Variants in RBFOX1 observed in about 807,000 individuals in gnomAD.
RBFOX1 encodes the protein RNA binding fox-1 homolog 1.
In RBFOX1, 8 loss-of-function variants were observed where a neutral mutation model predicts 57.7. The observed-to-expected ratio is 0.14, with a 90% CI of 0.08 to 0.25. RBFOX1 has a LOEUF of 0.25. Ranked by LOEUF, RBFOX1 falls within the 10% of genes least tolerant of loss-of-function variation. The probability of loss-of-function intolerance (pLI) is 1.00; values close to 1 mark genes in which losing one functional copy is unlikely to be tolerated. For synonymous variants in RBFOX1, 326 were observed against 222.4 expected (o/e 1.47, Z -4.15); for missense variants, 611 against 548.5 (o/e 1.11, Z -1.14).
intron 3 of RBFOX1, among the ~76,000 whole-genome samples, chr16:7,050,382 C>G (rs760886458): frequency 1.3e-5 from 2 of 151,702 alleles, no homozygotes; most frequent in Non-Finnish European, 2.9e-5. Flanking sequence ...TCTCCTGCTT[C>G]AGCCAACTGA....
intron 5 of RBFOX1, among the ~76,000 whole-genome samples, chr16:7,574,749 C>A (rs868595465): frequency 6.6e-6 from 1 of 152,110 alleles, no homozygotes; most frequent in Non-Finnish European, 1.5e-5. Context: ...CACCCAGGAC[C>A]AATACTTTGC....
At chr16:5,381,109 A>T (rs763806995) in intron 1 of RBFOX1, among the ~76,000 whole-genome samples, 5 of 152,204 alleles carry the variant, frequency 3.3e-5, no homozygotes, top group Non-Finnish European at 7.3e-5. Flanking sequence ...AGAGGACAGG[A>T]TGCTGAAGGA....
rs762848811 is a variant in RBFOX1, at chr16:5,898,151, GA to G, written c.351+30821del. ...AAGGAGAAGTGTCAAGCAAAAGCAG[GA>G]AAAATCCTTATAAAACCATCAGATC... On this transcript the variant is annotated intron_variant, in intron 4 of 19. Coordinates refer to the RBFOX1 transcript ENST00000641259. Among the ~76,000 whole-genome samples the G allele has an allele frequency of 9.7e-4, 148 of 152,216 alleles. 1 individual carries two copies. Among genetic ancestry groups the G allele is most frequent in the Middle Eastern group, 3.4e-3 (1 of 294 alleles).
rs76653234 is a variant in RBFOX1 at position 7,645,305 on chromosome 16, C to T, written c.758-8510C>T. 3.4e-3 allele frequency among the ~76,000 whole-genome samples: 519 copies of T among 152,194 alleles called. 12 individuals are homozygous for T. The highest frequency in any genetic ancestry group is 0.028 in the East Asian group (143 of 5,162). On this transcript the variant is annotated intron_variant, in intron 11 of 15. Coordinates refer to ENST00000550418, the MANE Select transcript of RBFOX1 (RefSeq NM_018723.4). ...TACCACCCATAAAAAGTTAATTAAT[C>T]AGGGCTGTGTCAATTTCCTCGTGCC...
intron 14 of RBFOX1, among the ~76,000 whole-genome samples, chr16:7,706,522 A>G (rs370924483): frequency 3.6e-3 from 544 of 152,330 alleles, no homozygotes; most frequent in South Asian, 0.028. Flanking sequence ...AATTGCCCAT[A>G]TAGTGTCTCC....
chr16:5,938,856 A>G (rs187972541), intron 4 of RBFOX1, among the ~76,000 whole-genome samples: 146 of 152,352 alleles, frequency 9.6e-4, no homozygotes, highest in Non-Finnish European at 1.6e-3. Flanking sequence ...CATTAGTATC[A>G]TAAAGAAAAT....
At chr16:7,104,934 T>C (rs566474567) in intron 4 of RBFOX1, among the ~76,000 whole-genome samples, 2 of 149,322 alleles carry the variant, frequency 1.3e-5, no homozygotes, top group Admixed American at 1.3e-4. Context: ...CAGAAATCTC[T>C]GTGCTTGTGT....
chr16:7,590,885 G>C (rs1361556318), intron 7 of RBFOX1, among the ~76,000 whole-genome samples: 1 of 137,584 alleles, frequency 7.3e-6, no homozygotes, highest in Non-Finnish European at 1.6e-5. Flanking sequence ...AAAAAAAAAA[G>C]CTACACTTTG....
chr16:7,471,608 G>A (rs1235655722), intron 4 of RBFOX1, among the ~76,000 whole-genome samples: 1 of 152,146 alleles, frequency 6.6e-6, no homozygotes, highest in Non-Finnish European at 1.5e-5. Context: ...TCTGAGACGG[G>A]GGTGGAGATG....
chr16:6,941,069 G>T (rs1199050225), intron 3 of RBFOX1, among the ~76,000 whole-genome samples: 1 of 152,058 alleles, frequency 6.6e-6, no homozygotes, highest in African/African-American at 2.4e-5. Context: ...AGTGTGGAGG[G>T]AGAAATGGAG....
At chr16:6,664,725 G>A (rs1231335688) in intron 3 of RBFOX1, among the ~76,000 whole-genome samples, 1 of 152,182 alleles carries the variant, frequency 6.6e-6, no homozygotes, top group African/African-American at 2.4e-5. Flanking sequence ...AGTCAGTTCT[G>A]GAGATACTCA....
rs866049295 is a variant in RBFOX1 at position 7,315,456 on chromosome 16, A to C, written c.28-202691A>C. Among the ~76,000 whole-genome samples the C allele has an allele frequency of 3.3e-3, 411 of 123,732 alleles. 7 individuals are homozygous for C. The highest frequency in any genetic ancestry group is 5.0e-3 in the Admixed American group (61 of 12,156). The allele number at this position is 123,732 out of a possible 152,430, so 81.2% of individuals were successfully genotyped here. On this transcript the variant is annotated intron_variant, in intron 4 of 15. Transcript: ENST00000550418. ...AATGATTAAAGCCCTACTCTACCCT[A>C]CCCCCCCCCCCATACTGGGGGCTTG...
chr16:6,158,449 C>T (rs1254319892), intron 1 of RBFOX1, among the ~76,000 whole-genome samples: 2 of 152,078 alleles, frequency 1.3e-5, no homozygotes, highest in South Asian at 2.1e-4. Flanking sequence ...ATTTTTCCCT[C>T]GTAAAGAATC....
chr16:6,941,296 CTCCCTCCT>C (rs1199159347), intron 3 of RBFOX1, among the ~76,000 whole-genome samples: 778 of 64,590 alleles, frequency 0.012, 15 homozygotes, highest in African/African-American at 0.036. Flanking sequence ...CCTTCCCTCC[CTCCCTCCT>C]TCCTTCCTTC....
intron 3 of RBFOX1, among the ~76,000 whole-genome samples, chr16:6,858,268 G>T (rs1311770911): frequency 2.0e-5 from 3 of 152,180 alleles, no homozygotes; most frequent in Non-Finnish European, 4.4e-5. Context: ...ACTTTGTAGG[G>T]AATGTTTCAG....
At chr16:7,244,376 C>A (rs2094203351) in intron 4 of RBFOX1, among the ~76,000 whole-genome samples, 1 of 152,130 alleles carries the variant, frequency 6.6e-6, no homozygotes, top group Admixed American at 6.6e-5. Context: ...GATGCATCCC[C>A]ATGGACCATG....
intron 1 of RBFOX1, among the ~76,000 whole-genome samples, chr16:6,293,279 C>G (rs967902657): frequency 1.3e-5 from 2 of 152,266 alleles, no homozygotes. Context: ...AACCTAGACA[C>G]TCTGGCTTCA....
chr16:7,000,351 C>G (rs1475475667), intron 3 of RBFOX1, among the ~76,000 whole-genome samples: 6 of 152,104 alleles, frequency 3.9e-5, no homozygotes, highest in African/African-American at 1.4e-4. Context: ...ATACATCTCT[C>G]AAGTTTCTTT....
At chr16:6,784,002 G>C (rs980856184) in intron 3 of RBFOX1, among the ~76,000 whole-genome samples, 85 of 152,208 alleles carry the variant, frequency 5.6e-4, no homozygotes, top group African/African-American at 2.0e-3. Flanking sequence ...TGAGAAGTCT[G>C]CTGACAAACA....
Sources: gnomAD v4.1 joint callset for allele counts (sites outside exome capture counted in the v4.1 genomes callset) on GRCh38, gnomAD v4.1.1 for gene constraint, MANE v1.5 for transcripts, NCBI Gene and HGNC (gene_info 2026-07-23, HGNC 2026-07-21) for gene names.